Variants in NDRG1 observed in about 807,000 individuals in gnomAD.
The protein encoded by NDRG1 is protein NDRG1.
In NDRG1, 32 loss-of-function variants were observed where a neutral mutation model predicts 56.9. That is an observed-to-expected ratio of 0.56 (90% confidence interval 0.42 to 0.76). NDRG1 has a LOEUF of 0.76. Among genes scored for constraint, NDRG1 ranks in the 30% least tolerant of loss-of-function variants. NDRG1 has a pLI of 0.00. For missense variants in NDRG1, 507 were observed against 545.7 expected, an observed-to-expected ratio of 0.93 and a Z score of 0.71; for synonymous variants, 211 against 204.1, an observed-to-expected ratio of 1.03 and a Z score of -0.29.
At chr8:133,274,318 T>A (rs997463697) in intron 3 of NDRG1, among the ~76,000 whole-genome samples, 2 of 152,186 alleles carry the variant, frequency 1.3e-5, no homozygotes, top group African/African-American at 4.8e-5. Context: ...TTGATTCATT[T>A]AAAAAACAAA....
At chr8:133,293,946 G>T (rs1858580931) in intron 1 of NDRG1, among the ~76,000 whole-genome samples, 1 of 152,228 alleles carries the variant, frequency 6.6e-6, no homozygotes, top group Non-Finnish European at 1.5e-5. Flanking sequence ...CCCAGACTCT[G>T]CCTGCCAAGA....
intron 1 of NDRG1, among the ~76,000 whole-genome samples, chr8:133,287,066 C>T (rs1407359420): frequency 6.6e-6 from 1 of 152,170 alleles, no homozygotes; most frequent in Admixed American, 6.5e-5. Flanking sequence ...CATCAAGCAG[C>T]CCTTACCTTG....
intron 3 of NDRG1, among the ~76,000 whole-genome samples, chr8:133,279,437 G>A (rs1857654473): frequency 6.6e-6 from 1 of 152,240 alleles, no homozygotes; most frequent in Admixed American, 6.5e-5. Context: ...TTTGAGGTAA[G>A]GAGGTAGAAT....
At chr8:133,252,052 C>T (rs535971735) in intron 9 of NDRG1, among the ~76,000 whole-genome samples, 3 of 152,268 alleles carry the variant, frequency 2.0e-5, no homozygotes, top group East Asian at 1.9e-4. Flanking sequence ...CGCTTGACAT[C>T]GGAGTTCTAG....
intron 1 of NDRG1, among the ~76,000 whole-genome samples, chr8:133,288,836 G>A (rs1858275636): frequency 6.6e-6 from 1 of 152,194 alleles, no homozygotes; most frequent in Non-Finnish European, 1.5e-5. Flanking sequence ...AACCCCTCCA[G>A]CAGGTCTCCT....
At chr8:133,277,421 G>A (rs530585798) in intron 3 of NDRG1, among the ~76,000 whole-genome samples, 1 of 152,036 alleles carries the variant, frequency 6.6e-6, no homozygotes, top group Non-Finnish European at 1.5e-5. Flanking sequence ...AAATTAGCCC[G>A]GTGTGGTGGC....
intron 3 of NDRG1, among the ~76,000 whole-genome samples, chr8:133,277,672 GT>G (rs1297545718): frequency 1.3e-5 from 2 of 152,222 alleles, no homozygotes; most frequent in Non-Finnish European, 2.9e-5. Context: ...TTTAAAAGTA[GT>G]TAAGTTGGTA....
intron 15 of NDRG1, 198 bp from the exon 16 acceptor site, chr8:133,239,317 G>T (rs1273302993): frequency 1.3e-5 from 11 of 837,840 alleles, no homozygotes; most frequent in South Asian, 1.7e-5. Flanking sequence ...ATGCGGGAAG[G>T]AACTGCCGCA....
intron 2 of NDRG1, among the ~76,000 whole-genome samples, chr8:133,284,003 C>A (rs895402803): frequency 1.3e-5 from 2 of 152,228 alleles, no homozygotes; most frequent in Admixed American, 6.5e-5. Context: ...GGGACTTGAA[C>A]CAGAGCCTCT....
chr8:133,280,733 C>T (rs1028413356), intron 2 of NDRG1, among the ~76,000 whole-genome samples: 26 of 152,260 alleles, frequency 1.7e-4, no homozygotes, highest in African/African-American at 6.0e-4. Context: ...CTGTGCCCAG[C>T]CGAGACTTTC....
intron 3 of NDRG1, among the ~76,000 whole-genome samples, chr8:133,277,117 A>G (rs1043061422): frequency 6.6e-5 from 10 of 152,264 alleles, no homozygotes; most frequent in African/African-American, 2.4e-4. Context: ...ATACAGTTTT[A>G]TAATAATAAT....
chr8:133,256,901 C>G (rs1395622945), intron 7 of NDRG1, 38 bp from the exon 8 acceptor site: 4 of 1,577,346 alleles, frequency 2.5e-6, no homozygotes, highest in Non-Finnish European at 3.5e-6. Flanking sequence ...GACATCCCAG[C>G]AATCTGAAAC....
chr8:133,245,111 C>T lies in NDRG1; in HGVS notation c.856-721G>A, dbSNP rs1108792. Among the ~76,000 whole-genome samples the T allele has an allele frequency of 6.0e-3, 919 of 152,256 alleles. 8 individuals are homozygous for T. Among genetic ancestry groups the T allele is most frequent in the Non-Finnish European group, 9.0e-3 (613 of 68,020 alleles). Reference sequence around the variant, plus strand: ...TGGACCCCCAACACTAGCCACAAAGCGACACTGACCTGGGGCAGCCCTCAG... The same window carrying T: ...TGGACCCCCAACACTAGCCACAAAGTGACACTGACCTGGGGCAGCCCTCAG... On this transcript the variant is annotated intron_variant, in intron 13 of 15. Coordinates refer to ENST00000323851, the MANE Select transcript of NDRG1 (RefSeq NM_006096.4).
intron 4 of NDRG1, chr8:133,262,375 A>G (rs1856703482): frequency 1.7e-6 from 1 of 603,588 alleles, no homozygotes; most frequent in South Asian, 1.9e-5. Flanking sequence ...AGTAAGTTTC[A>G]TGGGGCAAGG....
intron 2 of NDRG1, among the ~76,000 whole-genome samples, chr8:133,280,808 A>G (rs1217804702): frequency 6.6e-6 from 1 of 152,134 alleles, no homozygotes; most frequent in Non-Finnish European, 1.5e-5. Context: ...CTTTCTGACA[A>G]TAGCCTTGAT....
intron 9 of NDRG1, 125 bp downstream of exon 9, chr8:133,254,414 A>C: frequency 2.3e-6 from 2 of 855,798 alleles, no homozygotes; most frequent in Non-Finnish European, 3.7e-6. Context: ...TCTCATGAGC[A>C]CCAGCTCGGT....
At chr8:133,258,277 C>G in intron 7 of NDRG1, 89 bp downstream of exon 7, 1 of 1,362,036 alleles carries the variant, frequency 7.3e-7, no homozygotes, top group Non-Finnish European at 1.0e-6. Context: ...TTCTTTTTCC[C>G]TTTTGGGTTT....
chr8:133,245,979 T>A (rs1855653026), intron 13 of NDRG1, among the ~76,000 whole-genome samples: 1 of 152,206 alleles, frequency 6.6e-6, no homozygotes, highest in African/African-American at 2.4e-5. Flanking sequence ...CTCTTTGTCC[T>A]TCCCCCAGTG....
At chr8:133,249,770 T>A (rs1340351501) in intron 10 of NDRG1, among the ~76,000 whole-genome samples, 1 of 152,250 alleles carries the variant, frequency 6.6e-6, no homozygotes, top group African/African-American at 2.4e-5. Context: ...TAAGCTCTGT[T>A]ACAAATGTTA....
Sources: allele counts gnomAD v4.1 joint callset (sites outside exome capture counted in the v4.1 genomes callset), GRCh38; gene constraint gnomAD v4.1.1; transcripts MANE v1.5; gene names NCBI Gene and HGNC (gene_info 2026-07-23, HGNC 2026-07-21).